The following SSH1 variants were observed in gnomAD, a reference collection of about 807,000 sequenced individuals.
SSH1 encodes protein phosphatase Slingshot homolog 1.
Under a neutral mutation model 79.7 loss-of-function variants are expected in SSH1, and 43 were observed. The ratio of observed to expected loss-of-function variants is 0.54; its 90% CI spans 0.42 to 0.70. The LOEUF (loss-of-function observed/expected upper bound fraction) is 0.70. Among genes scored for constraint, SSH1 ranks in the 30% least tolerant of loss-of-function variants. The pLI, the probability that SSH1 is intolerant of heterozygous loss-of-function variation, is 0.00. For synonymous variants in SSH1, 599 were observed against 538.3 expected (o/e 1.11, Z -1.56); for missense variants, 1,206 against 1,358.8 (o/e 0.89, Z 1.77).
At position 108,857,342 on chromosome 12, in the gene SSH1, C is replaced by T. The variant is rs1193275833; in HGVS notation, c.69+86G>A. ...CCCGAGGAGCCCGCGCAGCCGCCCC[C>T]CTGCCCCGCACGCGCGGCCCCAGCT... On this transcript the variant is annotated intron_variant, in intron 1 of 14. Coordinates refer to ENST00000326495, the MANE Select transcript of SSH1 (RefSeq NM_018984.4). This position sits in a 1 kb window ranked among gnomAD's most constrained non-coding sequence, Gnocchi z 4.7. 1.1e-5 allele frequency: 9 copies of T among 818,102 alleles called. No homozygotes were observed. The African/African-American group carries it at 1.7e-4, about 15-fold the overall frequency. The allele number at this position is 818,102 out of a possible 1,614,324, so 50.7% of individuals were successfully genotyped here. A position where few individuals can be genotyped will look rare whatever the true frequency, so the allele number is the denominator to read the frequency against.
intron 1 of SSH1, among the ~76,000 whole-genome samples, chr12:108,854,156 A>G (rs2039099686): frequency 6.6e-6 from 1 of 152,230 alleles, no homozygotes; most frequent in African/African-American, 2.4e-5. Context: ...AACAGGAGAC[A>G]TTGGAAGATG....
intron 5 of SSH1, chr12:108,811,706 C>G (rs2037612390): frequency 5.7e-6 from 2 of 349,146 alleles, no homozygotes; most frequent in South Asian, 5.1e-5. Context: ...GGAGCGTGCT[C>G]ACACCGTTCC....
At chr12:108,793,444 C>G (rs2036604288) in intron 13 of SSH1, among the ~76,000 whole-genome samples, 2 of 149,698 alleles carry the variant, frequency 1.3e-5, no homozygotes, top group African/African-American at 2.5e-5. Flanking sequence ...GTGGTCCAGG[C>G]AGTGCAGTGG....
intron 13 of SSH1, among the ~76,000 whole-genome samples, chr12:108,797,867 C>A (rs941171414): frequency 3.9e-5 from 6 of 152,252 alleles, no homozygotes; most frequent in Admixed American, 3.3e-4. Flanking sequence ...GGTGTGAGTA[C>A]CCAAAAATGC....
intron 14 of SSH1, among the ~76,000 whole-genome samples, chr12:108,790,436 C>A (rs2036455034): frequency 6.6e-6 from 1 of 152,212 alleles, no homozygotes; most frequent in Non-Finnish European, 1.5e-5. Flanking sequence ...AGGCGTGCGG[C>A]ACCATGCCCA....
At chr12:108,822,291 G>A (rs1350904770) in intron 3 of SSH1, among the ~76,000 whole-genome samples, 6 of 151,942 alleles carry the variant, frequency 3.9e-5, no homozygotes, top group South Asian at 2.1e-4. Flanking sequence ...GCGCCACCAC[G>A]CCCAGCTAAT....
chr12:108,853,043 G>A (rs1450473207), intron 1 of SSH1: 5 of 985,214 alleles, frequency 5.1e-6, no homozygotes, highest in East Asian at 1.1e-4. Context: ...AGGGGAGGGG[G>A]TCATGTTTAA....
chr12:108,803,766 G>GAGAT (rs1325376069), intron 10 of SSH1, among the ~76,000 whole-genome samples: 4 of 152,126 alleles, frequency 2.6e-5, no homozygotes, highest in Admixed American at 2.6e-4. Flanking sequence ...GACTTCCAGG[G>GAGAT]AGATCAGTGC....
At chr12:108,849,598 C>A (rs1464462910) in intron 2 of SSH1, among the ~76,000 whole-genome samples, 1 of 151,794 alleles carries the variant, frequency 6.6e-6, no homozygotes, top group African/African-American at 2.4e-5. Context: ...AGGTTAAATA[C>A]TAATGAGAAA....
rs769330479 is a variant in SSH1, at chr12:108,811,316, G to A, written c.414C>T (p.Thr138=). 1.2e-6 allele frequency: 2 copies of A among 1,614,186 alleles called. No homozygotes were observed. Among genetic ancestry groups the A allele is most frequent in the East Asian group, 2.2e-5 (1 of 44,880 alleles). ...TCCACAGTCGGAGAACCATCCCAAT[G>A]GTGCAGCTTTTACTGCGATGGGGGA... The part of the protein sequence containing the change: ...DFSSKESKSC[T]IGMVLRLWSD... The change falls in exon 6 of 15, where the codon ACC becomes ACT. Residue 138 remains threonine (T), a synonymous_variant. Coordinates refer to ENST00000326495, the MANE Select transcript of SSH1 (RefSeq NM_018984.4).
chr12:108,816,081 T>C (rs954138997), intron 5 of SSH1, among the ~76,000 whole-genome samples: 10 of 152,204 alleles, frequency 6.6e-5, no homozygotes, highest in African/African-American at 2.4e-4. Flanking sequence ...GACTGCCCAC[T>C]TGCCCGTTAA....
At chr12:108,828,890 G>A (rs764251800) in intron 2 of SSH1, among the ~76,000 whole-genome samples, 3 of 152,326 alleles carry the variant, frequency 2.0e-5, no homozygotes, top group Non-Finnish European at 2.9e-5. Flanking sequence ...ACTTAGCTAC[G>A]CCACGTCATT....
chr12:108,846,677 G>A (rs1057327548), intron 2 of SSH1, among the ~76,000 whole-genome samples: 4 of 152,230 alleles, frequency 2.6e-5, no homozygotes, highest in Admixed American at 6.5e-5. Flanking sequence ...CTCCAAGTCT[G>A]TATTCTTATT....
chr12:108,857,191 G>C lies in SSH1; in HGVS notation c.69+237C>G, dbSNP rs2039162116. 6.6e-6 allele frequency among the ~76,000 whole-genome samples: 1 copy of C among 152,038 alleles called. No homozygotes were observed. The highest frequency in any genetic ancestry group is 1.5e-5 in the Non-Finnish European group (1 of 67,998). On this transcript the variant is annotated intron_variant, in intron 1 of 14. Coordinates refer to ENST00000326495, the MANE Select transcript of SSH1 (RefSeq NM_018984.4). This position sits in a 1 kb window ranked among gnomAD's most constrained non-coding sequence, Gnocchi z 4.7. ...CTGCATACACAGTCCCTGCAAAGTC[G>C]CCCCCCGATAGGGGTCACACCGCAC...
rs563698849 is a variant in SSH1 at position 108,784,766 on chromosome 12, A to T, written c.*3222T>A. On this transcript the variant is annotated 3_prime_UTR_variant, in exon 15 of 15. Transcript: ENST00000326495. ...AGAAAAGTTCAGTCTAACTTTTGGC[A>T]TGCCACATGAATTAATGTGAGGCAG... is the stretch of plus-strand genomic sequence containing the variant. 3.9e-4 allele frequency: 60 copies of T among 152,366 alleles called. No homozygotes were observed. The highest frequency in any genetic ancestry group is 1.4e-3 in the African/African-American group (58 of 41,594). 9.4% of individuals were successfully genotyped at this position (152,366 alleles called of 1,614,324 possible).
At chr12:108,813,808 A>G (rs1160087835) in intron 5 of SSH1, among the ~76,000 whole-genome samples, 1 of 150,332 alleles carries the variant, frequency 6.7e-6, no homozygotes, top group East Asian at 1.9e-4. Flanking sequence ...AAGGGAAGGG[A>G]AGCGAAGGGG....
Position 108,784,640 on chromosome 12 carries a change from G to A in SSH1, c.*3348C>T, listed in dbSNP as rs963519207. The A allele has an allele frequency of 2.0e-5, 3 of 152,156 alleles. No individual in the cohort carries two copies. Among genetic ancestry groups the A allele is most frequent in the African/African-American group, 7.2e-5 (3 of 41,434 alleles). 9.4% of individuals were successfully genotyped at this position (152,156 alleles called of 1,614,324 possible). ...AAATCGGCATTGTCAATTACCATCC[G>A]AGAGCAGCCCCGGTTCTCCTCTTCC... is the stretch of plus-strand genomic sequence containing the variant. On this transcript the variant is annotated 3_prime_UTR_variant, in exon 15 of 15. Coordinates refer to ENST00000326495, the MANE Select transcript of SSH1 (RefSeq NM_018984.4).
At chr12:108,833,469 C>T (rs1194812765) in intron 2 of SSH1, among the ~76,000 whole-genome samples, 1 of 152,164 alleles carries the variant, frequency 6.6e-6, no homozygotes, top group African/African-American at 2.4e-5. Context: ...CCCGACTGTC[C>T]CAGGTTCTCA....
chr12:108,853,558 G>C (rs905640946), intron 1 of SSH1, among the ~76,000 whole-genome samples: 6 of 152,244 alleles, frequency 3.9e-5, no homozygotes, highest in African/African-American at 7.2e-5. Context: ...AAGGAAAAAG[G>C]GTCCAGAGAT....
Sources: gnomAD v4.1 joint callset for allele counts (sites outside exome capture counted in the v4.1 genomes callset) on GRCh38, gnomAD v4.1.1 for gene constraint, Gnocchi (gnomAD v3.1) non-coding constraint, MANE v1.5 for transcripts, NCBI Gene and HGNC (gene_info 2026-07-23, HGNC 2026-07-21) for gene names.